Variants in LARS2 observed in about 807,000 individuals in gnomAD.
The protein encoded by LARS2 is leucyl-tRNA synthetase 2, mitochondrial.
Under a neutral mutation model 116.6 loss-of-function variants are expected in LARS2, and 81 were observed. The observed-to-expected ratio is 0.69, with a 90% confidence interval of 0.58 to 0.84. LARS2 has a LOEUF of 0.84. LARS2 is among the 40% of genes least tolerant of loss of function. LARS2 has a pLI of 0.00. For synonymous variants in LARS2, 396 were observed against 407.2 expected (o/e 0.97, Z 0.33); for missense variants, 968 against 1,114.5 (o/e 0.87, Z 1.87).
intron 9 of LARS2, 105 bp from the exon 10 acceptor site, chr3:45,476,363 C>T: frequency 8.3e-7 from 1 of 1,209,126 alleles, no homozygotes. Context: ...GAGCTGTGGT[C>T]ACTGTTGGGG....
At chr3:45,430,583 CTTTTT>C (rs35964512) in intron 6 of LARS2, among the ~76,000 whole-genome samples, 1 of 90,394 alleles carries the variant, frequency 1.1e-5, no homozygotes, top group Non-Finnish European at 2.2e-5. Context: ...CCCGGCCAAT[CTTTTT>C]TTTTTTTTTT....
chr3:45,436,838 G>T (rs975899198), intron 6 of LARS2, among the ~76,000 whole-genome samples: 1 of 151,040 alleles, frequency 6.6e-6, no homozygotes, highest in Non-Finnish European at 1.5e-5. Flanking sequence ...TGTATTGTTA[G>T]AATGCCTTGA....
At chr3:45,462,711 A>G (rs1052627703) in intron 8 of LARS2, among the ~76,000 whole-genome samples, 2 of 152,162 alleles carry the variant, frequency 1.3e-5, no homozygotes, top group South Asian at 2.1e-4. Context: ...TTGTATTTGC[A>G]TCTCGTTTTG....
intron 15 of LARS2, among the ~76,000 whole-genome samples, chr3:45,506,607 C>A (rs1232608239): frequency 2.6e-5 from 4 of 152,008 alleles, no homozygotes; most frequent in Non-Finnish European, 4.4e-5. Flanking sequence ...ATTTCTGAGC[C>A]CCTCAGCCCT....
Position 45,547,793 on chromosome 3 carries a change from C to T in LARS2, c.*263C>T, listed in dbSNP as rs1575326078. 2 of 367,668 alleles carry T rather than the reference C, an allele frequency of 5.4e-6. No individual in the cohort carries two copies. Among genetic ancestry groups the T allele is most frequent in the South Asian group, 5.0e-5 (1 of 19,960 alleles). The allele number at this position is 367,668 out of a possible 1,614,324, so 22.8% of individuals were successfully genotyped here. A position where few individuals can be genotyped will look rare whatever the true frequency, so the allele number is the denominator to read the frequency against. ...TGCCCCTCACCCCCCACCCACACTG[C>T]AGGTAGAGGAGGCCATCTGATCCCA... is the stretch of plus-strand genomic sequence containing the variant. On this transcript the variant is annotated 3_prime_UTR_variant, in exon 22 of 22. Coordinates refer to ENST00000645846, the MANE Select transcript of LARS2 (RefSeq NM_015340.4).
chr3:45,406,834 C>T (rs1269289354), intron 4 of LARS2, among the ~76,000 whole-genome samples: 2 of 152,300 alleles, frequency 1.3e-5, no homozygotes, highest in South Asian at 4.1e-4. Context: ...TACTGCCAAT[C>T]GGTTTCTTCT....
intron 6 of LARS2, among the ~76,000 whole-genome samples, chr3:45,443,246 G>A (rs370000334): frequency 1.3e-5 from 2 of 152,186 alleles, no homozygotes; most frequent in East Asian, 1.9e-4. Context: ...GTGAAAATAT[G>A]AAAATAGACT....
At chr3:45,419,840 G>A in intron 6 of LARS2, 111 bp downstream of exon 6, 3 of 846,568 alleles carry the variant, frequency 3.5e-6, no homozygotes, top group South Asian at 1.4e-5. Context: ...GAGGCAGGAA[G>A]CAGGAGGGAA....
At chr3:45,481,455 A>G (rs940708408) in intron 10 of LARS2, among the ~76,000 whole-genome samples, 1 of 152,220 alleles carries the variant, frequency 6.6e-6, no homozygotes, top group Non-Finnish European at 1.5e-5. Context: ...ACCATTTTAC[A>G]TTCCCACCAG....
At chr3:45,415,486 G>A (rs778754657) in intron 4 of LARS2, among the ~76,000 whole-genome samples, 2 of 152,124 alleles carry the variant, frequency 1.3e-5, no homozygotes, top group Non-Finnish European at 1.5e-5. Context: ...GAGGAGAAAA[G>A]GAACCTACAC....
chr3:45,519,419 A>G (rs1381434084), intron 18 of LARS2, among the ~76,000 whole-genome samples: 1 of 147,104 alleles, frequency 6.8e-6, no homozygotes, highest in East Asian at 2.1e-4. Context: ...TGAACCTGGG[A>G]GGCAGAGGTT....
intron 8 of LARS2, among the ~76,000 whole-genome samples, chr3:45,466,974 A>G (rs1271445762): frequency 1.3e-5 from 2 of 152,198 alleles, no homozygotes; most frequent in Non-Finnish European, 2.9e-5. Context: ...ATTTCTGAGA[A>G]TCATGTGCAG....
intron 7 of LARS2, among the ~76,000 whole-genome samples, chr3:45,451,696 G>A (rs1255743150): frequency 6.6e-6 from 1 of 151,960 alleles, no homozygotes; most frequent in African/African-American, 2.4e-5. Context: ...AGGGTCTTTT[G>A]TGGTTCCATA....
At chr3:45,466,862 G>A (rs146984169) in intron 8 of LARS2, among the ~76,000 whole-genome samples, 31 of 152,190 alleles carry the variant, frequency 2.0e-4, no homozygotes, top group African/African-American at 7.0e-4. Context: ...GATTACAGGC[G>A]CCTGCCACCA....
intron 16 of LARS2, 132 bp from the exon 17 acceptor site, chr3:45,515,962 G>C: frequency 1.5e-6 from 1 of 649,408 alleles, no homozygotes; most frequent in Non-Finnish European, 2.6e-6. Flanking sequence ...AAAGCGGCTT[G>C]TTAAGTGAAT....
chr3:45,448,492 A>AACAC (rs369907676), intron 7 of LARS2, among the ~76,000 whole-genome samples: 4 of 151,588 alleles, frequency 2.6e-5, no homozygotes, highest in African/African-American at 4.8e-5. Flanking sequence ...AGAGGAATTA[A>AACAC]ACACACACAC....
At chr3:45,502,724 C>T (rs957998552) in intron 15 of LARS2, among the ~76,000 whole-genome samples, 3 of 152,056 alleles carry the variant, frequency 2.0e-5, no homozygotes, top group Non-Finnish European at 4.4e-5. Flanking sequence ...TTCTTTATAG[C>T]TATCTTCCAG....
At chr3:45,411,420 C>T (rs911584647) in intron 4 of LARS2, among the ~76,000 whole-genome samples, 7 of 152,226 alleles carry the variant, frequency 4.6e-5, no homozygotes, top group African/African-American at 1.7e-4. Flanking sequence ...TCCTTTGTAC[C>T]TACTTTAAGC....
At chr3:45,395,344 A>G (rs1464746916) in intron 3 of LARS2, among the ~76,000 whole-genome samples, 1 of 152,238 alleles carries the variant, frequency 6.6e-6, no homozygotes, top group Non-Finnish European at 1.5e-5. Flanking sequence ...CAGGTACACC[A>G]GCTCGGCACT....
Sources: allele counts gnomAD v4.1 joint callset (sites outside exome capture counted in the v4.1 genomes callset), GRCh38; gene constraint gnomAD v4.1.1; transcripts MANE v1.5; gene names NCBI Gene and HGNC (gene_info 2026-07-23, HGNC 2026-07-21).